DLGAP4: variants seen among roughly 807,000 people sequenced by gnomAD.
DLGAP4 encodes disks large-associated protein 4.
A neutral mutation model predicts 86.9 loss-of-function variants in DLGAP4; 18 were observed. The ratio of observed to expected loss-of-function variants is 0.21; its 90% confidence interval spans 0.14 to 0.31. The LOEUF (loss-of-function observed/expected upper bound fraction) is 0.31. Ranked by LOEUF, DLGAP4 falls within the 10% of genes least tolerant of loss-of-function variation. DLGAP4 has a pLI of 1.00. For missense variants in DLGAP4, 1,085 were observed against 1,362.6 expected, an observed-to-expected ratio of 0.80 and a Z score of 3.21; for synonymous variants, 548 against 574.3, an observed-to-expected ratio of 0.95 and a Z score of 0.65.
intron 7 of DLGAP4, among the ~76,000 whole-genome samples, chr20:36,449,529 G>A (rs2033681268): frequency 6.6e-6 from 1 of 152,166 alleles, no homozygotes; most frequent in African/African-American, 2.4e-5. Flanking sequence ...TGAGGCCCAG[G>A]TTCTGTGGCC....
At position 36,432,269 on chromosome 20, in the gene DLGAP4, CAAG is replaced by C. The variant is rs1480544629; in HGVS notation, c.553_555del (p.Lys185del). The stretch of plus-strand genomic sequence containing the variant: ...ACGGCAAGGGCCGGAGGGCCAAAAG[CAAG>C]GAGCGGGCCAAGGCTGGGGAGCCCA... On this transcript the variant is annotated inframe_deletion, in exon 3 of 13. Coordinates refer to ENST00000339266, the MANE Select transcript of DLGAP4 (RefSeq NM_001365621.2). This position sits in a 1 kb window ranked among gnomAD's most constrained non-coding sequence, Gnocchi z 6.5. 6.2e-7 allele frequency: 1 copy of C among 1,613,766 alleles called. No individual in the cohort carries two copies. The highest frequency in any genetic ancestry group is 1.7e-5 in the Admixed American group (1 of 60,022).
chr20:36,371,447 C>A (rs1159878883), intron 2 of DLGAP4, among the ~76,000 whole-genome samples: 1 of 152,236 alleles, frequency 6.6e-6, no homozygotes, highest in African/African-American at 2.4e-5. Context: ...GTGGTGACAT[C>A]ATGAAGATGA....
At chr20:36,482,778 C>T (rs2035246804) in intron 7 of DLGAP4, among the ~76,000 whole-genome samples, 1 of 152,036 alleles carries the variant, frequency 6.6e-6, no homozygotes, top group Non-Finnish European at 1.5e-5. Flanking sequence ...TTCAAGTGAT[C>T]CCCACACCTC....
chr20:36,527,108 C>T lies in DLGAP4; in HGVS notation c.*77C>T. 3 of 1,400,882 alleles carry T rather than the reference C, an allele frequency of 2.1e-6. No homozygotes were observed. Among genetic ancestry groups the T allele is most frequent in the Non-Finnish European group, 2.9e-6 (3 of 1,041,012 alleles). The allele number at this position is 1,400,882 out of a possible 1,614,324, so 86.8% of individuals were successfully genotyped here. ...AAGTGCGAACGGAACAGAGTTTTCT[C>T]AACCTTTGCTATGGTTATTCTGTCT... is the stretch of plus-strand genomic sequence containing the variant. On this transcript the variant is annotated 3_prime_UTR_variant, in exon 13 of 13. Transcript: ENST00000339266.
intron 2 of DLGAP4, among the ~76,000 whole-genome samples, chr20:36,398,695 T>C (rs2147479148): frequency 6.6e-6 from 1 of 152,252 alleles, no homozygotes. Flanking sequence ...CATTTATAGA[T>C]GAGGAAATGG....
At chr20:36,513,639 A>AATGGAAGCTGGGAGATGAGTT (rs1393397100) in intron 10 of DLGAP4, among the ~76,000 whole-genome samples, 19 of 152,106 alleles carry the variant, frequency 1.2e-4, no homozygotes, top group Non-Finnish European at 2.8e-4. Flanking sequence ...TTGGCACACA[A>AATGGAAGCTGGGAGATGAGTT]ATGGAAGCTG....
Position 36,431,247 on chromosome 20 carries a change from G to C in DLGAP4, c.-72-399G>C, listed in dbSNP as rs1181165665. ...GACAGAGCTAGGAGATGTGGGCTGGGGTATTTGCATCTATGTGGACCCTCG... is the reference window on the plus strand; with the variant it reads ...GACAGAGCTAGGAGATGTGGGCTGGCGTATTTGCATCTATGTGGACCCTCG... On this transcript the variant is annotated intron_variant, in intron 2 of 12. Coordinates refer to ENST00000339266, the MANE Select transcript of DLGAP4 (RefSeq NM_001365621.2). This position sits in a 1 kb window ranked among gnomAD's most constrained non-coding sequence, Gnocchi z 5.1. Among the ~76,000 whole-genome samples, 1 of 152,058 alleles carries C rather than the reference G, an allele frequency of 6.6e-6. No homozygotes were observed. Among genetic ancestry groups the C allele is most frequent in the African/African-American group, 2.4e-5 (1 of 41,404 alleles).
At chr20:36,501,734 G>A (rs1054809311) in intron 10 of DLGAP4, among the ~76,000 whole-genome samples, 2 of 152,100 alleles carry the variant, frequency 1.3e-5, no homozygotes, top group African/African-American at 4.8e-5. Context: ...ATGATGGAGG[G>A]GGCCCTGAGG....
chr20:36,513,452 G>A (rs567329892), intron 10 of DLGAP4, among the ~76,000 whole-genome samples: 73 of 150,162 alleles, frequency 4.9e-4, no homozygotes, highest in Non-Finnish European at 7.7e-4. Flanking sequence ...GGAGGCTGAG[G>A]CAGGAGAATG....
chr20:36,309,546 TGG>T (rs2065034634), intron 1 of DLGAP4, among the ~76,000 whole-genome samples: 1 of 152,190 alleles, frequency 6.6e-6, no homozygotes, highest in South Asian at 2.1e-4. Context: ...CCAGGATCTG[TGG>T]GAGTTACAGG....
At chr20:36,414,999 C>A (rs1033557648) in intron 2 of DLGAP4, among the ~76,000 whole-genome samples, 1 of 152,178 alleles carries the variant, frequency 6.6e-6, no homozygotes, top group African/African-American at 2.4e-5. Context: ...GGCACAGTGG[C>A]TCATTCCTGT....
At chr20:36,342,470 C>A (rs1189320143) in intron 1 of DLGAP4, among the ~76,000 whole-genome samples, 1 of 152,168 alleles carries the variant, frequency 6.6e-6, no homozygotes, top group Non-Finnish European at 1.5e-5. Context: ...GAAGGCCAGG[C>A]CCAGCTCCCA....
At chr20:36,392,908 C>T (rs1255992057) in intron 2 of DLGAP4, among the ~76,000 whole-genome samples, 1 of 151,984 alleles carries the variant, frequency 6.6e-6, no homozygotes, top group African/African-American at 2.4e-5. Context: ...GAGGAGGTGA[C>T]ACTTGGGCTG....
At chr20:36,322,774 G>T in intron 1 of DLGAP4, among the ~76,000 whole-genome samples, 1 of 152,122 alleles carries the variant, frequency 6.6e-6, no homozygotes, top group Admixed American at 6.5e-5. Flanking sequence ...TGAAATTTCT[G>T]AGTTGTAGTA....
intron 1 of DLGAP4, among the ~76,000 whole-genome samples, chr20:36,314,245 T>C: frequency 6.7e-6 from 1 of 150,212 alleles, no homozygotes; most frequent in South Asian, 2.1e-4. Flanking sequence ...CTCATAGATC[T>C]GGTTCACAGG....
intron 4 of DLGAP4, among the ~76,000 whole-genome samples, chr20:36,438,593 T>A (rs1345565416): frequency 6.6e-6 from 1 of 151,096 alleles, no homozygotes; most frequent in Non-Finnish European, 1.5e-5. Context: ...GGCCTCACTA[T>A]GTTGCCCAGA....
chr20:36,409,486 G>C (rs1396862690), intron 2 of DLGAP4, among the ~76,000 whole-genome samples: 1 of 149,646 alleles, frequency 6.7e-6, no homozygotes, highest in Non-Finnish European at 1.5e-5. Flanking sequence ...TCCTATGGGA[G>C]GCTGAGGCGG....
At chr20:36,512,935 T>TA (rs2036799866) in intron 10 of DLGAP4, among the ~76,000 whole-genome samples, 1 of 83,904 alleles carries the variant, frequency 1.2e-5, no homozygotes, top group Non-Finnish European at 2.2e-5. Flanking sequence ...GAGGCCCTTT[T>TA]TTTTTTTTTT....
At position 36,504,626 on chromosome 20, in the gene DLGAP4, T is replaced by C. The variant is rs1287942775; in HGVS notation, c.2512+4015T>C. Among the ~76,000 whole-genome samples the C allele has an allele frequency of 3.9e-5, 6 of 152,238 alleles. No homozygotes were observed. The East Asian group carries it at 1.2e-3, about 29-fold the overall frequency. ...CATTCCTACCAGCAAAGCACGAAGG[T>C]TCCAGTTTCTCCACATCTTCACCAA... is the stretch of plus-strand genomic sequence containing the variant. On this transcript the variant is annotated intron_variant, in intron 10 of 12. Coordinates refer to ENST00000339266, the MANE Select transcript of DLGAP4 (RefSeq NM_001365621.2).
Sources: allele counts gnomAD v4.1 joint callset (sites outside exome capture counted in the v4.1 genomes callset), GRCh38; gene constraint gnomAD v4.1.1; non-coding constraint Gnocchi (gnomAD v3.1); transcripts MANE v1.5; gene names NCBI Gene and HGNC (gene_info 2026-07-23, HGNC 2026-07-21).